The following ABCG2 variants were observed in gnomAD, a reference collection of about 807,000 sequenced individuals.
The protein encoded by ABCG2 is ATP binding cassette subfamily G member 2 (JR blood group), also known as broad substrate specificity ATP-binding cassette transporter ABCG2.
A neutral mutation model predicts 73.5 loss-of-function variants in ABCG2; 80 were observed. The observed-to-expected ratio is 1.09, with a 90% CI of 0.91 to 1.31. ABCG2 has a LOEUF of 1.31. Among genes scored for constraint, ABCG2 ranks in the 50% most tolerant of loss-of-function variants. The probability of loss-of-function intolerance (pLI) is 0.00; values close to 1 mark genes in which losing one functional copy is unlikely to be tolerated. For missense variants in ABCG2, 796 were observed against 786.2 expected (o/e 1.01, Z -0.15); for synonymous variants, 269 against 282.4 (o/e 0.95, Z 0.48).
chr4:88,189,628 C>G (rs1315491398), intron 1 of ABCG2, among the ~76,000 whole-genome samples: 1 of 152,090 alleles, frequency 6.6e-6, no homozygotes. Flanking sequence ...TTTAGTGGCT[C>G]TAATTTTCGT....
intron 8 of ABCG2, 37 bp from the exon 9 acceptor site, chr4:88,113,590 G>A (rs747360688): frequency 6.3e-7 from 1 of 1,597,330 alleles, no homozygotes; most frequent in Admixed American, 1.7e-5. Flanking sequence ...ACACAAACAA[G>A]ATAACAACAA....
chr4:88,093,609 C>T (rs562643405), intron 15 of ABCG2, among the ~76,000 whole-genome samples: 3 of 152,108 alleles, frequency 2.0e-5, no homozygotes, highest in African/African-American at 7.2e-5. Context: ...CTTATCTGGT[C>T]CCATTTTTCC....
intron 9 of ABCG2, among the ~76,000 whole-genome samples, chr4:88,112,337 G>GC (rs1388820926): frequency 6.6e-6 from 1 of 152,112 alleles, no homozygotes. Flanking sequence ...CCTTGGAGTG[G>GC]CCAGCACATA....
intron 6 of ABCG2, among the ~76,000 whole-genome samples, 171 bp from the exon 7 acceptor site, chr4:88,118,431 C>T (rs1288774097): frequency 3.3e-5 from 5 of 152,126 alleles, no homozygotes; most frequent in Non-Finnish European, 1.5e-5. Context: ...AAATTCAATG[C>T]TTTTATTAAA....
Position 88,132,638 on chromosome 4 carries a change from G to T in ABCG2, c.204-3C>A. The T allele has an allele frequency of 6.2e-7, 1 of 1,614,084 alleles. No homozygotes were observed. Among genetic ancestry groups the T allele is most frequent in the Admixed American group, 1.7e-5 (1 of 60,010 alleles). On this transcript the variant is annotated splice_polypyrimidine_tract_variant and splice_region_variant and intron_variant, in intron 2 of 15. Coordinates refer to ENST00000237612, the MANE Select transcript of ABCG2 (RefSeq NM_004827.3). ...TGAGACCAGGTTTCATGATCCCACT[G>T]TAAACACAAAAACAGACTGATTTAC... is the stretch of plus-strand genomic sequence containing the variant.
rs1339132625 is a variant in ABCG2 at position 88,224,495 on chromosome 4, TG to T, written c.-20+6498del. 3.8e-5 allele frequency among the ~76,000 whole-genome samples: 5 copies of T among 131,364 alleles called. No individual in the cohort carries two copies. In the South Asian group the frequency reaches 7.3e-4, roughly 19 times the overall value. The allele number at this position is 131,364 out of a possible 152,430, so 86.2% of individuals were successfully genotyped here. ...GACAAGTAAAAAGTGTCCTCTTTTT[TG>T]TTTGTTTTTTTTTGAAACAGGGTCT... On this transcript the variant is annotated intron_variant, in intron 1 of 15. Coordinates refer to the ABCG2 transcript ENST00000515655.
intron 1 of ABCG2, among the ~76,000 whole-genome samples, chr4:88,192,871 C>G (rs904362372): frequency 1.3e-5 from 2 of 151,764 alleles, no homozygotes; most frequent in African/African-American, 4.8e-5. Flanking sequence ...ACCACCTTGC[C>G]CAGCTAATTT....
At chr4:88,197,985 G>C (rs896791659) in intron 1 of ABCG2, among the ~76,000 whole-genome samples, 1 of 142,164 alleles carries the variant, frequency 7.0e-6, no homozygotes, top group African/African-American at 2.7e-5. Flanking sequence ...AGCCGAAATC[G>C]CACCACTGCA....
rs531618741 is a variant in ABCG2, at chr4:88,146,698, C to T, written c.-19-6684G>A. On this transcript the variant is annotated intron_variant, in intron 1 of 15. Coordinates refer to ENST00000237612, the MANE Select transcript of ABCG2 (RefSeq NM_004827.3). Reference sequence around the variant, plus strand: ...CATGAGTCACCGTGCTTGGCTAAAACCTGTTAATTTTTATAGCAAATTTAG... The same window carrying T: ...CATGAGTCACCGTGCTTGGCTAAAATCTGTTAATTTTTATAGCAAATTTAG... Among the ~76,000 whole-genome samples the T allele has an allele frequency of 2.6e-3, 403 of 152,100 alleles. 1 individual carries two copies. Among genetic ancestry groups the T allele is most frequent in the Non-Finnish European group, 4.2e-3 (283 of 67,978 alleles).
intron 1 of ABCG2, among the ~76,000 whole-genome samples, chr4:88,205,946 GC>G (rs1729360792): frequency 1.3e-5 from 2 of 152,148 alleles, no homozygotes; most frequent in South Asian, 4.1e-4. Context: ...CTCCCAAAGT[GC>G]TGGAATTACA....
At chr4:88,136,448 A>T (rs1725249637) in intron 2 of ABCG2, among the ~76,000 whole-genome samples, 1 of 152,198 alleles carries the variant, frequency 6.6e-6, no homozygotes, top group Non-Finnish European at 1.5e-5. Flanking sequence ...TCGCTGTGCC[A>T]AGCAAATATT....
chr4:88,138,449 C>T (rs990660487), intron 2 of ABCG2, among the ~76,000 whole-genome samples: 1 of 152,116 alleles, frequency 6.6e-6, no homozygotes, highest in Non-Finnish European at 1.5e-5. Context: ...TGACTTAGTT[C>T]TAGAAGTGAA....
Position 88,208,149 on chromosome 4 carries a change from C to T in ABCG2, c.-20+22845G>A, listed in dbSNP as rs547332574. On this transcript the variant is annotated intron_variant, in intron 1 of 15. Transcript: ENST00000515655. ...TTAAACTGTACTTGGAAGTTTAAAA[C>T]ATCCAGTTCTTTAGAGTGTCATTGG... Among the ~76,000 whole-genome samples, 4 of 152,312 alleles carry T rather than the reference C, an allele frequency of 2.6e-5. No individual in the cohort carries two copies. The South Asian group carries it at 8.3e-4, about 32-fold the overall frequency.
rs1471889109 is a variant in ABCG2 at position 88,115,030 on chromosome 4, A to G, written c.870T>C (p.Pro290=). ...AGYHCEAYNN[P]ADFFLDIING... The stretch of plus-strand genomic sequence containing the variant: ...TAATGATGTCCAAGAAGAAGTCTGC[A>G]GGGTTATTATAGGCCTCACAGTGAT... Residue 290 remains proline (P), a synonymous_variant, in exon 8 of 16, where the codon CCT becomes CCC. Coordinates refer to ENST00000237612, the MANE Select transcript of ABCG2 (RefSeq NM_004827.3). 2 of 1,613,154 alleles carry G rather than the reference A, an allele frequency of 1.2e-6. No homozygotes were observed. The highest frequency in any genetic ancestry group is 1.7e-6 in the Non-Finnish European group (2 of 1,179,412).
rs11934545 is a variant in ABCG2 at position 88,145,538 on chromosome 4, G to T, written c.-19-5524C>A. 1.6e-3 allele frequency among the ~76,000 whole-genome samples: 251 copies of T among 152,174 alleles called. 1 individual carries two copies. Among genetic ancestry groups the T allele is most frequent in the African/African-American group, 5.8e-3 (239 of 41,514 alleles). Reference sequence around the variant, plus strand: ...ATCTGGAGAACGCGGCCTAATTCCCGACAGACAGGAAGAGACCCCATCACC... The same window carrying T: ...ATCTGGAGAACGCGGCCTAATTCCCTACAGACAGGAAGAGACCCCATCACC... On this transcript the variant is annotated intron_variant, in intron 1 of 15. Coordinates refer to ENST00000237612, the MANE Select transcript of ABCG2 (RefSeq NM_004827.3).
In ABCG2 at chr4:88,139,823, G is replaced by T; in HGVS notation, c.173C>A (p.Pro58Gln). Residue 58 changes from proline (P) to glutamine (Q), a missense_variant, in exon 2 of 16, where the codon CCA (proline) becomes CAA (glutamine). Pro to Gln is a moderately conservative substitution (Grantham distance 76, BLOSUM62 -1). Transcript: ENST00000237612. The part of the protein sequence containing the change: ...LKSGFLPCRK[P>Q]VEKEILSNIN... ...ATTCGATAATATTTCTTTCTCAACT[G>T]GTTTTCGACAAGGTAGAAAGCCACT... 2 of 1,613,964 alleles carry T rather than the reference G, an allele frequency of 1.2e-6. No individual in the cohort carries two copies. The highest frequency in any genetic ancestry group is 1.7e-6 in the Non-Finnish European group (2 of 1,179,958).
upstream of ABCG2, among the ~76,000 whole-genome samples, chr4:88,160,360 A>G (rs528702057): frequency 3.9e-5 from 6 of 152,308 alleles, no homozygotes; most frequent in Admixed American, 3.3e-4. Flanking sequence ...GCTCACCCAG[A>G]TAAGTGAAAA....
chr4:88,159,156 G>A (rs1178766064), upstream of ABCG2: 11 of 456,178 alleles, frequency 2.4e-5, no homozygotes, highest in Non-Finnish European at 4.8e-5. Flanking sequence ...GAATGAACCA[G>A]AGTGATTAAC....
chr4:88,229,978 C>CATTATTATTATTATTATT (rs61485563), intron 1 of ABCG2, among the ~76,000 whole-genome samples: 23 of 143,550 alleles, frequency 1.6e-4, no homozygotes, highest in Non-Finnish European at 2.0e-4. Context: ...TTCTGGCATG[C>CATTATTATTATTATTATT]ATTATTATTA....
Sources: allele counts gnomAD v4.1 joint callset (sites outside exome capture counted in the v4.1 genomes callset), GRCh38; gene constraint gnomAD v4.1.1; transcripts MANE v1.5; gene names NCBI Gene and HGNC (gene_info 2026-07-23, HGNC 2026-07-21).